The following GULP1 variants were observed in gnomAD, a reference collection of about 807,000 sequenced individuals.
GULP1 encodes GULP PTB domain containing engulfment adaptor 1, also known as PTB domain-containing engulfment adapter protein 1.
Under a neutral mutation model 40.9 loss-of-function variants are expected in GULP1, and 19 were observed. The ratio of observed to expected loss-of-function variants is 0.46; its 90% CI spans 0.32 to 0.68. The LOEUF is 0.68. Among genes scored for constraint, GULP1 ranks in the 30% least tolerant of loss-of-function variants. The pLI, the probability that GULP1 is intolerant of heterozygous loss-of-function variation, is 0.03. For synonymous variants in GULP1, 119 were observed against 117.6 expected, an observed-to-expected ratio of 1.01 and a Z score of -0.08; for missense variants, 312 against 362.2, an observed-to-expected ratio of 0.86 and a Z score of 1.12.
chr2:188,473,607 G>C (rs1012001917), intron 2 of GULP1, among the ~76,000 whole-genome samples: 4 of 152,154 alleles, frequency 2.6e-5, no homozygotes, highest in Non-Finnish European at 4.4e-5. Flanking sequence ...GTTACCTTAA[G>C]GTCCGTGGGC....
chr2:188,496,341 T>A (rs1286087440), intron 4 of GULP1, among the ~76,000 whole-genome samples: 1 of 152,090 alleles, frequency 6.6e-6, no homozygotes, highest in Non-Finnish European at 1.5e-5. Flanking sequence ...ATGTCTGTTT[T>A]TATTGCTCAT....
intron 6 of GULP1, among the ~76,000 whole-genome samples, chr2:188,532,942 G>C (rs1292241621): frequency 6.6e-6 from 1 of 151,944 alleles, no homozygotes. Flanking sequence ...AAGAAAGAAA[G>C]ATATGTGAAA....
chr2:188,575,302 A>G (rs771335838), intron 9 of GULP1, among the ~76,000 whole-genome samples: 3 of 152,118 alleles, frequency 2.0e-5, no homozygotes, highest in Non-Finnish European at 2.9e-5. Context: ...TCTGCTATGG[A>G]ATATTATAAA....
chr2:188,406,691 A>T (rs2053158132), intron 2 of GULP1, among the ~76,000 whole-genome samples: 1 of 152,124 alleles, frequency 6.6e-6, no homozygotes, highest in East Asian at 1.9e-4. Flanking sequence ...AACAAAAAAT[A>T]AAAAGGAATG....
At chr2:188,429,257 C>T (rs568570234) in intron 2 of GULP1, among the ~76,000 whole-genome samples, 1 of 152,066 alleles carries the variant, frequency 6.6e-6, no homozygotes, top group Non-Finnish European at 1.5e-5. Context: ...AATCCCAGCC[C>T]TTTGAGAGAC....
At chr2:188,592,241 C>T (rs550924470) in intron 11 of GULP1, 1 of 151,896 alleles carries the variant, frequency 6.6e-6, no homozygotes, top group South Asian at 2.1e-4. Context: ...TTAAAAGTAC[C>T]GTATGGTATC....
chr2:188,378,359 A>AAT (rs2048571945), intron 1 of GULP1, among the ~76,000 whole-genome samples: 1 of 152,282 alleles, frequency 6.6e-6, no homozygotes, highest in African/African-American at 2.4e-5. Context: ...ATGTTACGCC[A>AAT]ATAGTATTTA....
chr2:188,323,858 G>C (rs1010595762), intron 1 of GULP1, among the ~76,000 whole-genome samples: 1 of 151,792 alleles, frequency 6.6e-6, no homozygotes, highest in Non-Finnish European at 1.5e-5. Flanking sequence ...GGAGGGGATT[G>C]CTGGCGTATC....
At chr2:188,468,867 A>G (rs757299581) in intron 2 of GULP1, among the ~76,000 whole-genome samples, 14 of 152,212 alleles carry the variant, frequency 9.2e-5, no homozygotes, top group Non-Finnish European at 1.9e-4. Context: ...TATGCCAACT[A>G]TAAGATCAGC....
In GULP1 at chr2:188,558,303, A is replaced by G. The variant is rs1020770358; in HGVS notation, c.400-10936A>G. 5.3e-5 allele frequency among the ~76,000 whole-genome samples: 8 copies of G among 152,304 alleles called. No homozygotes were observed. In the East Asian group the frequency reaches 1.5e-3, roughly 29 times the overall value. On this transcript the variant is annotated intron_variant, in intron 7 of 11. Transcript: ENST00000409830. ...CCCCATACTATTCTCATGGTAGTGA[A>G]TAAGTCTCATGAGATCTGATGGTTT...
chr2:188,583,744 T>G (rs1218964222), intron 9 of GULP1, among the ~76,000 whole-genome samples: 1 of 152,136 alleles, frequency 6.6e-6, no homozygotes. Flanking sequence ...TTGGTTCCCA[T>G]TGTTGATATA....
At chr2:188,340,274 A>G (rs1390455159) in intron 1 of GULP1, among the ~76,000 whole-genome samples, 1 of 152,222 alleles carries the variant, frequency 6.6e-6, no homozygotes, top group African/African-American at 2.4e-5. Context: ...ATTTATCAAT[A>G]AAACAGGTTT....
At chr2:188,520,337 A>G (rs2065614422) in intron 4 of GULP1, among the ~76,000 whole-genome samples, 2 of 152,064 alleles carry the variant, frequency 1.3e-5, no homozygotes, top group Admixed American at 6.5e-5. Flanking sequence ...GGAGATCAAG[A>G]CCACCGTGGC....
intron 11 of GULP1, 71 bp from the exon 12 acceptor site, chr2:188,593,869 G>C (rs889422928): frequency 2.4e-6 from 2 of 849,966 alleles, no homozygotes; most frequent in Non-Finnish European, 4.0e-6. Context: ...TTAGTGCATA[G>C]TCTTTTTTAT....
In GULP1 at chr2:188,514,040, AGTGTGTGTGTGTGT is replaced by A. The variant is rs1164481151; in HGVS notation, c.91-8686_91-8673del. Among the ~76,000 whole-genome samples the A allele has an allele frequency of 7.6e-3, 940 of 123,068 alleles. 14 individuals carry two copies. The highest frequency in any genetic ancestry group is 0.027 in the African/African-American group (892 of 33,092). The allele number at this position is 123,068 out of a possible 152,430, so 80.7% of individuals were successfully genotyped here. ...GATCTGTCTAAATGGTCCCCTTCTG[AGTGTGTGTGTGTGT>A]GTGTGTGTGTGTGTGTGTGTGTGTG... On this transcript the variant is annotated intron_variant, in intron 4 of 11. Transcript: ENST00000409830.
intron 7 of GULP1, among the ~76,000 whole-genome samples, chr2:188,558,291 T>A (rs1245237298): frequency 6.6e-6 from 1 of 152,178 alleles, no homozygotes; most frequent in African/African-American, 2.4e-5. Context: ...CATACTATTC[T>A]CATGGTAGTG....
intron 9 of GULP1, among the ~76,000 whole-genome samples, chr2:188,574,952 C>T (rs969127762): frequency 1.3e-5 from 2 of 152,114 alleles, no homozygotes; most frequent in Non-Finnish European, 2.9e-5. Flanking sequence ...TTCTACTTTC[C>T]TCAGAGACAC....
intron 2 of GULP1, among the ~76,000 whole-genome samples, chr2:188,428,711 C>G (rs773534208): frequency 2.6e-5 from 4 of 152,048 alleles, no homozygotes; most frequent in Non-Finnish European, 5.9e-5. Flanking sequence ...TTCTATAAAG[C>G]CTGGGGAACC....
Position 188,594,203 on chromosome 2 carries a change from G to A in GULP1, c.*192G>A, listed in dbSNP as rs560359571. 2 of 414,226 alleles carry A rather than the reference G, an allele frequency of 4.8e-6. No homozygotes were observed. Among genetic ancestry groups the A allele is most frequent in the Non-Finnish European group, 8.8e-6 (2 of 228,558 alleles). 25.7% of individuals were successfully genotyped at this position (414,226 alleles called of 1,614,324 possible). ...ATTTTTATTTTAAAAACAGCTTACTGTAAAGTAGATCATACTTTTATGTTC... is the reference window on the plus strand; with the variant it reads ...ATTTTTATTTTAAAAACAGCTTACTATAAAGTAGATCATACTTTTATGTTC... On this transcript the variant is annotated 3_prime_UTR_variant, in exon 12 of 12. Coordinates refer to ENST00000409830, the MANE Select transcript of GULP1 (RefSeq NM_016315.4).
Sources: gnomAD v4.1 joint callset for allele counts (sites outside exome capture counted in the v4.1 genomes callset) on GRCh38, gnomAD v4.1.1 for gene constraint, MANE v1.5 for transcripts, NCBI Gene and HGNC (gene_info 2026-07-23, HGNC 2026-07-21) for gene names.